IL22RA2: variants seen among roughly 807,000 people sequenced by gnomAD.
IL22RA2 encodes interleukin-22 receptor subunit alpha-2.
IL22RA2 carries 39 observed loss-of-function variants against 30.7 expected under a neutral mutation model. That is an observed-to-expected ratio of 1.27 (90% CI 0.98 to 1.66). The LOEUF is 1.66. Among genes scored for constraint, IL22RA2 ranks in the 40% most tolerant of loss-of-function variants. The probability of loss-of-function intolerance (pLI) is 0.00; values close to 1 mark genes in which losing one functional copy is unlikely to be tolerated. For synonymous variants in IL22RA2, 103 were observed against 105.0 expected (o/e 0.98, Z 0.11); for missense variants, 315 against 312.7 (o/e 1.01, Z -0.05).
intron 5 of IL22RA2, among the ~76,000 whole-genome samples, chr6:137,152,126 T>C (rs1778304955): frequency 1.3e-5 from 2 of 152,204 alleles, no homozygotes; most frequent in Non-Finnish European, 2.9e-5. Flanking sequence ...GGTGGAAGGA[T>C]TGCTGGAGCC....
intron 2 of IL22RA2, 41 bp from the exon 3 acceptor site, chr6:137,158,523 G>A (rs1334715078): frequency 6.2e-7 from 1 of 1,608,132 alleles, no homozygotes; most frequent in Admixed American, 1.7e-5. Flanking sequence ...ACGTTGCTTG[G>A]AGCACTGCTG....
intron 3 of IL22RA2, among the ~76,000 whole-genome samples, chr6:137,157,456 T>C (rs1180273170): frequency 1.5e-5 from 2 of 132,498 alleles, no homozygotes; most frequent in African/African-American, 7.6e-5. Context: ...CGGTTAAAGA[T>C]GGAGATGCTT....
intron 3 of IL22RA2, 76 bp downstream of exon 3, chr6:137,158,271 C>G: frequency 6.4e-7 from 1 of 1,556,796 alleles, no homozygotes. Context: ...AGCTCGGATC[C>G]TAACACTCCA....
At chr6:137,147,186 CAAAAAAAAAA>C (rs11313927) in intron 6 of IL22RA2, among the ~76,000 whole-genome samples, 18 of 70,860 alleles carry the variant, frequency 2.5e-4, no homozygotes, top group Admixed American at 7.8e-4. Context: ...CTTGCCTCTA[CAAAAAAAAAA>C]AAAAAAAAAA....
Position 137,161,686 on chromosome 6 carries a change from T to G in IL22RA2, c.61+3A>C. 1 of 1,611,776 alleles carries G rather than the reference T, an allele frequency of 6.2e-7. No homozygotes were observed. On this transcript the variant is annotated splice_donor_region_variant and intron_variant, in intron 2 of 6. Transcript: ENST00000296980. The stretch of plus-strand genomic sequence containing the variant: ...AGCAATTAAAAAGAAACAAAGCACT[T>G]ACCTGCTACACCAGTAAGGAAGAAA...
In IL22RA2 at chr6:137,158,462, A is replaced by G. The variant is rs1216166753; in HGVS notation, c.82T>C (p.Ser28Pro). 2.5e-6 allele frequency: 4 copies of G among 1,614,084 alleles called. No individual in the cohort carries two copies. The South Asian group carries it at 4.4e-5, about 18-fold the overall frequency. The part of the protein sequence containing the change: ...GVAGTQSTHE[S>P]LKPQRVQFQS... ...AATTGTACCCTCTGAGGCTTCAGAG[A>G]CTCATGCGTTGACTGAGTTCCTAAG... Residue 28 changes from serine (S) to proline (P), a missense_variant, in exon 3 of 7, where the codon TCT becomes CCT. Transcript: ENST00000296980.
At chr6:137,166,294 C>T (rs919525128) in intron 1 of IL22RA2, among the ~76,000 whole-genome samples, 3 of 152,118 alleles carry the variant, frequency 2.0e-5, no homozygotes, top group Non-Finnish European at 4.4e-5. Context: ...CAAAGAAAGT[C>T]GGTAAACATC....
chr6:137,157,497 A>G lies in IL22RA2; in HGVS notation c.198-643T>C, dbSNP rs1466526098. On this transcript the variant is annotated intron_variant, in intron 3 of 6. Transcript: ENST00000296980. The stretch of plus-strand genomic sequence containing the variant: ...GATATTCCTTCCGAAATTAATTAGC[A>G]GGAAAATCTGACCTAGGACCTACCC... Among the ~76,000 whole-genome samples, 6 of 152,154 alleles carry G rather than the reference A, an allele frequency of 3.9e-5. No individual in the cohort carries two copies. The South Asian group carries it at 8.3e-4, about 21-fold the overall frequency.
chr6:137,173,630 C>G lies in IL22RA2; in HGVS notation c.-283G>C, dbSNP rs527746828. ...AGAGAACTTGACCAGGGCTCTATAG[C>G]GAGTAGTGGTAAAGTGAGGGCTGAA... On this transcript the variant is annotated 5_prime_UTR_variant, in exon 1 of 7. Coordinates refer to ENST00000296980, the MANE Select transcript of IL22RA2 (RefSeq NM_052962.3). The G allele has an allele frequency of 6.6e-6, 1 of 152,094 alleles. No individual in the cohort carries two copies. Among genetic ancestry groups the G allele is most frequent in the Admixed American group, 6.5e-5 (1 of 15,278 alleles). 9.4% of individuals were successfully genotyped at this position (152,094 alleles called of 1,614,324 possible).
chr6:137,161,982 C>G (rs866832449), intron 1 of IL22RA2, among the ~76,000 whole-genome samples, 168 bp from the exon 2 acceptor site: 2 of 152,278 alleles, frequency 1.3e-5, no homozygotes, highest in Middle Eastern at 3.4e-3. Context: ...TGTGGAAGCT[C>G]GTTTTATTGG....
intron 5 of IL22RA2, among the ~76,000 whole-genome samples, chr6:137,150,480 AT>A (rs61381227): frequency 0.23 from 23,070 of 100,466 alleles, 1,963 homozygotes; most frequent in East Asian, 0.47. Flanking sequence ...TTCTTTTCTG[AT>A]TTTTTTTTTT....
intron 1 of IL22RA2, among the ~76,000 whole-genome samples, chr6:137,166,596 G>C (rs1393985684): frequency 1.3e-5 from 2 of 152,142 alleles, no homozygotes; most frequent in African/African-American, 4.8e-5. Context: ...GCCCTTATTG[G>C]AGCTTCCTCT....
At position 137,144,392 on chromosome 6, in the gene IL22RA2, A is replaced by C. The variant is rs1778132249; in HGVS notation, c.*1232T>G. 1 of 152,232 alleles carries C rather than the reference A, an allele frequency of 6.6e-6. No homozygotes were observed. The highest frequency in any genetic ancestry group is 1.5e-5 in the Non-Finnish European group (1 of 68,042). The allele number at this position is 152,232 out of a possible 1,614,324, so 9.4% of individuals were successfully genotyped here. ...TAGAAGCACCGACTATATTGTTATCAACTTTGGAGCAATTTTCATGGGGAA... is the reference window on the plus strand; with the variant it reads ...TAGAAGCACCGACTATATTGTTATCCACTTTGGAGCAATTTTCATGGGGAA... On this transcript the variant is annotated 3_prime_UTR_variant, in exon 7 of 7. Transcript: ENST00000296980.
At position 137,159,198 on chromosome 6, in the gene IL22RA2, C is replaced by T. The variant is rs1341383264; in HGVS notation, c.62-716G>A. 3.3e-5 allele frequency among the ~76,000 whole-genome samples: 5 copies of T among 152,184 alleles called. No individual in the cohort carries two copies. The East Asian group carries it at 5.8e-4, about 18-fold the overall frequency. Reference sequence around the variant, plus strand: ...GTGCTTTCTTCCTCAAATCAGGCAACATAGGTGGTACAACCTTGCTTGCCT... The same window carrying T: ...GTGCTTTCTTCCTCAAATCAGGCAATATAGGTGGTACAACCTTGCTTGCCT... On this transcript the variant is annotated intron_variant, in intron 2 of 6. Transcript: ENST00000296980.
At chr6:137,159,206 G>A (rs977011585) in intron 2 of IL22RA2, among the ~76,000 whole-genome samples, 3 of 152,206 alleles carry the variant, frequency 2.0e-5, no homozygotes, top group Non-Finnish European at 4.4e-5. Context: ...AACATAGGTG[G>A]TACAACCTTG....
intron 6 of IL22RA2, 150 bp downstream of exon 6, chr6:137,147,572 G>A: frequency 1.6e-6 from 1 of 636,434 alleles, no homozygotes; most frequent in East Asian, 3.6e-5. Context: ...ACCAACCGTT[G>A]ATCAATGATG....
intron 4 of IL22RA2, among the ~76,000 whole-genome samples, chr6:137,155,404 C>T (rs1228561961): frequency 6.6e-6 from 1 of 151,858 alleles, no homozygotes; most frequent in Non-Finnish European, 1.5e-5. Context: ...GCCATAAGAG[C>T]CACATCTGGT....
At chr6:137,147,117 AG>A (rs1337268168) in intron 6 of IL22RA2, among the ~76,000 whole-genome samples, 1 of 147,352 alleles carries the variant, frequency 6.8e-6, no homozygotes, top group Non-Finnish European at 1.5e-5. Flanking sequence ...TGGGAGGCCA[AG>A]GCTGGAGGAT....
intron 1 of IL22RA2, among the ~76,000 whole-genome samples, chr6:137,163,178 C>T (rs1037180406): frequency 1.3e-5 from 2 of 152,182 alleles, no homozygotes; most frequent in African/African-American, 4.8e-5. Context: ...TGTTGTAATG[C>T]TGCCTTTGTT....
Sources: gnomAD v4.1 joint callset for allele counts (sites outside exome capture counted in the v4.1 genomes callset) on GRCh38, gnomAD v4.1.1 for gene constraint, MANE v1.5 for transcripts, NCBI Gene and HGNC (gene_info 2026-07-23, HGNC 2026-07-21) for gene names.